The following C12orf42 variants were observed in gnomAD, a reference collection of about 807,000 sequenced individuals.
C12orf42 encodes the protein chromosome 12 open reading frame 42.
A neutral mutation model predicts 21.6 loss-of-function variants in C12orf42; 25 were observed. The ratio of observed to expected loss-of-function variants is 1.16; its 90% CI spans 0.84 to 1.62. The LOEUF is 1.62. C12orf42 is among the 40% of genes most tolerant of loss of function. The probability of loss-of-function intolerance (pLI) is 0.00; values close to 1 mark genes in which losing one functional copy is unlikely to be tolerated. For synonymous variants in C12orf42, 174 were observed against 175.0 expected (o/e 0.99, Z 0.05); for missense variants, 483 against 459.3 (o/e 1.05, Z -0.47).
intron 2 of C12orf42, among the ~76,000 whole-genome samples, chr12:103,455,108 T>C (rs1284996818): frequency 6.6e-6 from 1 of 152,186 alleles, no homozygotes; most frequent in African/African-American, 2.4e-5. Context: ...CTTTCTACTA[T>C]GTTACTACCT....
At chr12:103,513,813 G>C in the C12orf42 span, among the ~76,000 whole-genome samples, 1 of 152,146 alleles carries the variant, frequency 6.6e-6, no homozygotes, top group Non-Finnish European at 1.5e-5. Flanking sequence ...ATAAGAGCCA[G>C]TGTCTGCCTT....
intron 2 of C12orf42, among the ~76,000 whole-genome samples, chr12:103,454,313 G>GA (rs748638410): frequency 1.5e-4 from 23 of 152,046 alleles, no homozygotes; most frequent in East Asian, 7.7e-4. Flanking sequence ...AACAGGACTT[G>GA]AAAACCTCAT....
At position 103,308,169 on chromosome 12, in the gene C12orf42, A is replaced by G. The variant is rs186812721; in HGVS notation, c.260-1824T>C. Among the ~76,000 whole-genome samples the G allele has an allele frequency of 2.8e-3, 426 of 152,364 alleles. 1 individual carries two copies. The highest frequency in any genetic ancestry group is 9.9e-3 in the African/African-American group (411 of 41,586). On this transcript the variant is annotated intron_variant, in intron 4 of 5. Coordinates refer to ENST00000548883, the MANE Select transcript of C12orf42 (RefSeq NM_198521.5). ...CTATTAATAGTAGATTAGATAATGC[A>G]CATAAAGTACTTAGGGTAGTAGTTG...
intron 1 of C12orf42, among the ~76,000 whole-genome samples, chr12:103,488,467 C>G (rs1339468249): frequency 6.6e-6 from 1 of 152,002 alleles, no homozygotes; most frequent in Non-Finnish European, 1.5e-5. Context: ...TTGTGGTGTT[C>G]TCTGTATTTC....
intron 4 of C12orf42, among the ~76,000 whole-genome samples, chr12:103,320,514 C>T (rs1421651705): frequency 6.6e-6 from 1 of 152,190 alleles, no homozygotes; most frequent in Non-Finnish European, 1.5e-5. Context: ...GACAACGCCA[C>T]ATTTGGTTAA....
intron 10 of C12orf42, among the ~76,000 whole-genome samples, chr12:103,258,115 T>G (rs183194539): frequency 6.6e-6 from 1 of 152,170 alleles, no homozygotes; most frequent in East Asian, 1.9e-4. Flanking sequence ...AAAACAGACT[T>G]TAGAGAATAA....
At chr12:103,462,521 CCTT>C (rs1952808654) in intron 2 of C12orf42, among the ~76,000 whole-genome samples, 1 of 152,098 alleles carries the variant, frequency 6.6e-6, no homozygotes. Flanking sequence ...CTGTAGCACT[CCTT>C]CTTTACCAGC....
chr12:103,177,251 C>A, the C12orf42 span, among the ~76,000 whole-genome samples: 1 of 152,198 alleles, frequency 6.6e-6, no homozygotes, highest in Non-Finnish European at 1.5e-5. Context: ...GCTTCTGACA[C>A]AATGGCCCTT....
intron 5 of C12orf42, among the ~76,000 whole-genome samples, chr12:103,275,391 C>T (rs541971963): frequency 8.0e-4 from 122 of 151,902 alleles, no homozygotes; most frequent in Admixed American, 1.8e-3. Context: ...CCAATATTGA[C>T]ACAAGAAACA....
intron 4 of C12orf42, among the ~76,000 whole-genome samples, chr12:103,326,241 G>C (rs534687083): frequency 6.6e-6 from 1 of 152,052 alleles, no homozygotes; most frequent in African/African-American, 2.4e-5. Flanking sequence ...TATATTATGG[G>C]GCTCTTGAAA....
At chr12:103,173,709 C>T in the C12orf42 span, among the ~76,000 whole-genome samples, 2 of 152,276 alleles carry the variant, frequency 1.3e-5, no homozygotes, top group East Asian at 3.9e-4. Context: ...CCCCGTGATT[C>T]TTTCCTTTGG....
At chr12:103,144,527 C>T in the C12orf42 span, among the ~76,000 whole-genome samples, 4 of 152,164 alleles carry the variant, frequency 2.6e-5, no homozygotes, top group Non-Finnish European at 4.4e-5. Flanking sequence ...CTGATGCCGC[C>T]GTGGGCTAGG....
chr12:103,240,184 T>A (rs1478723461), intron 10 of C12orf42, among the ~76,000 whole-genome samples: 2 of 152,216 alleles, frequency 1.3e-5, no homozygotes, highest in Non-Finnish European at 2.9e-5. Flanking sequence ...CTTCACCATG[T>A]ATTTCTTATT....
At chr12:103,428,918 C>G (rs1950053687) in intron 2 of C12orf42, among the ~76,000 whole-genome samples, 1 of 151,752 alleles carries the variant, frequency 6.6e-6, no homozygotes. Flanking sequence ...AAATTCAACA[C>G]CCCTTCATGC....
chr12:103,319,608 A>C (rs2039883086), intron 4 of C12orf42, among the ~76,000 whole-genome samples: 1 of 152,252 alleles, frequency 6.6e-6, no homozygotes. Context: ...TGCTTGATTA[A>C]TTAGGTTTGT....
At chr12:103,168,604 A>C in the C12orf42 span, among the ~76,000 whole-genome samples, 1 of 152,222 alleles carries the variant, frequency 6.6e-6, no homozygotes, top group African/African-American at 2.4e-5. Context: ...AGTGCTTACT[A>C]GGTATCAGAC....
At chr12:103,344,743 TACAA>T (rs1320180406) in intron 4 of C12orf42, among the ~76,000 whole-genome samples, 1 of 152,020 alleles carries the variant, frequency 6.6e-6, no homozygotes, top group African/African-American at 2.4e-5. Context: ...ATCATCCATG[TACAA>T]ACAGAGCAGA....
At chr12:103,126,233 A>C in the C12orf42 span, among the ~76,000 whole-genome samples, 2 of 152,112 alleles carry the variant, frequency 1.3e-5, no homozygotes, top group Admixed American at 1.3e-4. Context: ...ATTAGTACTA[A>C]CCTCCTAGAC....
the C12orf42 span, among the ~76,000 whole-genome samples, chr12:103,071,326 T>C: frequency 2.0e-5 from 3 of 152,092 alleles, no homozygotes; most frequent in African/African-American, 7.2e-5. Context: ...CCCTTAAAGA[T>C]GAGAAAATAA....
Sources: allele counts gnomAD v4.1 joint callset (sites outside exome capture counted in the v4.1 genomes callset), GRCh38; gene constraint gnomAD v4.1.1; transcripts MANE v1.5; gene names NCBI Gene and HGNC (gene_info 2026-07-23, HGNC 2026-07-21).